The following WDFY3 variants were observed in gnomAD, a reference collection of about 807,000 sequenced individuals.
The protein encoded by WDFY3 is WD repeat and FYVE domain-containing protein 3.
WDFY3 carries 66 observed loss-of-function variants against 409.6 expected under a neutral mutation model. The observed-to-expected ratio is 0.16, with a 90% CI of 0.13 to 0.20. The LOEUF (loss-of-function observed/expected upper bound fraction) is 0.20. WDFY3 is among the 10% of genes least tolerant of loss of function. The pLI, the probability that WDFY3 is intolerant of heterozygous loss-of-function variation, is 1.00. For missense variants in WDFY3, 3,031 were observed against 4,298.1 expected (o/e 0.71, Z 8.24); for synonymous variants, 1,521 against 1,537.1 (o/e 0.99, Z 0.25).
chr4:84,933,413 G>T (rs960390348), intron 1 of WDFY3, among the ~76,000 whole-genome samples: 1 of 151,940 alleles, frequency 6.6e-6, no homozygotes, highest in Admixed American at 6.6e-5. Context: ...ATTTTTACCT[G>T]TACATAGTAA....
At chr4:84,962,228 G>A (rs1347960356) in intron 1 of WDFY3, among the ~76,000 whole-genome samples, 1 of 152,122 alleles carries the variant, frequency 6.6e-6, no homozygotes. Flanking sequence ...CATAGTGACA[G>A]TGTTTACACT....
chr4:84,803,298 G>T lies in WDFY3; in HGVS notation c.2599C>A (p.Gln867Lys), dbSNP rs749653635. 6 of 1,604,084 alleles carry T rather than the reference G, an allele frequency of 3.7e-6. No homozygotes were observed. The highest frequency in any genetic ancestry group is 5.1e-6 in the Non-Finnish European group (6 of 1,177,030). Reference protein sequence around the residue: ...DLLASVGSVTQPEHALDLQLA... With the variant: ...DLLASVGSVTKPEHALDLQLA... ...AACATATTCAAGCTTACTTCTGGCTGTGTCACTGACCCAACAGAGGCCAGT... is the reference window on the plus strand; with the variant it reads ...AACATATTCAAGCTTACTTCTGGCTTTGTCACTGACCCAACAGAGGCCAGT... The change falls in exon 16 of 68, where the codon CAG becomes AAG. Residue 867 changes from glutamine (Q) to lysine (K), a missense_variant. Gln to Lys is a moderately conservative substitution (Grantham distance 53). Around this residue, in one of 16 missense-constraint regions of WDFY3, gnomAD observed 1,322 missense variants for 1,697.9 expected, o/e 0.78. Coordinates refer to ENST00000295888, the MANE Select transcript of WDFY3 (RefSeq NM_014991.6).
chr4:84,726,967 A>T (rs572554710), intron 44 of WDFY3, 56 bp from the exon 45 acceptor site: 32 of 1,500,758 alleles, frequency 2.1e-5, no homozygotes, highest in Admixed American at 1.4e-4. Flanking sequence ...AAAGAGGAAC[A>T]CAAAAATAAA....
chr4:84,854,420 T>C (rs1222552743), intron 4 of WDFY3, among the ~76,000 whole-genome samples: 1 of 152,214 alleles, frequency 6.6e-6, no homozygotes, highest in Non-Finnish European at 1.5e-5. Context: ...GTTTTGGTGA[T>C]TGACTTCAAC....
At chr4:84,890,494 T>A (rs1278910471) in intron 3 of WDFY3, among the ~76,000 whole-genome samples, 1 of 152,214 alleles carries the variant, frequency 6.6e-6, no homozygotes, top group East Asian at 1.9e-4. Context: ...GAGATCCTAG[T>A]ACCCAGTAAT....
rs776348454 is a variant in WDFY3 at position 84,809,935 on chromosome 4, C to T, written c.2297G>A (p.Ser766Asn). Reference protein sequence around the residue: ...ESVSPTLRHCSKLFIYLYKVA... With the variant: ...ESVSPTLRHCNKLFIYLYKVA... The stretch of plus-strand genomic sequence containing the variant: ...TTTGTAAAGATAAATAAAAAGTTTA[C>T]TGCAGTGCCGTAACGTGGGTGACAC... Residue 766 changes from serine (S) to asparagine (N), a missense_variant, in exon 14 of 68, where the codon AGT becomes AAT. Ser to Asn is a conservative substitution (Grantham distance 46, BLOSUM62 1). Transcript: ENST00000295888. 6.2e-7 allele frequency: 1 copy of T among 1,614,094 alleles called. No homozygotes were observed. The highest frequency in any genetic ancestry group is 1.1e-5 in the South Asian group (1 of 91,084).
chr4:84,787,853 A>C, intron 22 of WDFY3, 140 bp from the exon 23 acceptor site: 2 of 748,070 alleles, frequency 2.7e-6, no homozygotes, highest in Non-Finnish European at 4.3e-6. Context: ...GAGAAACAGG[A>C]AGGGCAAGGC....
rs1419047178 is a variant in WDFY3 at position 84,691,719 on chromosome 4, T to G, written c.9116A>C (p.Lys3039Thr). ...ATTCCAGGTTGGTGGGATAAGAACC[T>G]TATTCTGTTCCACCGCAAGAATACC... ...DKGILAVEQN[K>T]VLIPPTWNKT... Residue 3039 changes from lysine to threonine, a missense_variant, in exon 60 of 68, where the codon AAG (lysine) becomes ACG (threonine). Transcript: ENST00000295888. 1.2e-6 allele frequency: 2 copies of G among 1,614,016 alleles called. No individual in the cohort carries two copies. The highest frequency in any genetic ancestry group is 1.7e-6 in the Non-Finnish European group (2 of 1,179,986).
At chr4:84,791,509 T>TTGTTGTATGACAATAA (rs1748516777) in intron 21 of WDFY3, among the ~76,000 whole-genome samples, 1 of 152,196 alleles carries the variant, frequency 6.6e-6, no homozygotes, top group Non-Finnish European at 1.5e-5. Flanking sequence ...AACAATAATG[T>TTGTTGTATGACAATAA]TGTTGTATGA....
At chr4:84,921,570 G>C (rs1399327119) in intron 2 of WDFY3, among the ~76,000 whole-genome samples, 2 of 149,984 alleles carry the variant, frequency 1.3e-5, no homozygotes, top group East Asian at 3.9e-4. Flanking sequence ...AATGTTACTT[G>C]AGGACAGTAT....
At chr4:84,680,059 T>A (rs1727097821) in intron 64 of WDFY3, among the ~76,000 whole-genome samples, 2 of 151,614 alleles carry the variant, frequency 1.3e-5, no homozygotes, top group East Asian at 3.9e-4. Flanking sequence ...CCTGGCTAAT[T>A]TTTGTATTTT....
chr4:84,850,928 G>GGTTTTTTTTTTTTTTT (rs1758863108), intron 4 of WDFY3, among the ~76,000 whole-genome samples: 1 of 46,220 alleles, frequency 2.2e-5, no homozygotes, highest in African/African-American at 9.3e-5. Context: ...TTATTTATCT[G>GGTTTTTTTTTTTTTTT]TTTTTTTTTT....
intron 47 of WDFY3, 35 bp downstream of exon 47, chr4:84,721,374 G>A (rs763342315): frequency 1.3e-5 from 21 of 1,608,382 alleles, no homozygotes; most frequent in Non-Finnish European, 1.7e-5. Context: ...TGTTACTGAA[G>A]TATTTACAAT....
Position 84,688,274 on chromosome 4 carries a change from G to A in WDFY3, c.9364-9C>T. 1.2e-6 allele frequency: 2 copies of A among 1,610,446 alleles called. No individual in the cohort carries two copies. The highest frequency in any genetic ancestry group is 8.5e-7 in the Non-Finnish European group (1 of 1,178,324). On this transcript the variant is annotated splice_polypyrimidine_tract_variant and intron_variant, in intron 61 of 67. Transcript: ENST00000295888. Reference sequence around the variant, plus strand: ...GTGTGGCCCAGTAAGGCCTACGAATGAGAACAAACAAACAAAATCAGGTTG... The same window carrying A: ...GTGTGGCCCAGTAAGGCCTACGAATAAGAACAAACAAACAAAATCAGGTTG...
chr4:84,698,291 T>TATATA (rs200509418), intron 56 of WDFY3, among the ~76,000 whole-genome samples: 217 of 124,456 alleles, frequency 1.7e-3, no homozygotes, highest in African/African-American at 5.9e-3. Context: ...TATATATATA[T>TATATA]TTTTTTTTTT....
chr4:84,758,761 A>G (rs1459566087), intron 32 of WDFY3, among the ~76,000 whole-genome samples: 1 of 152,170 alleles, frequency 6.6e-6, no homozygotes, highest in South Asian at 2.1e-4. Flanking sequence ...ACTCTTTCCC[A>G]TATCATTCCT....
At chr4:84,871,345 A>C (rs957220059) in intron 3 of WDFY3, among the ~76,000 whole-genome samples, 1 of 152,188 alleles carries the variant, frequency 6.6e-6, no homozygotes, top group African/African-American at 2.4e-5. Flanking sequence ...TAGTTTAAAC[A>C]TTAGGAGAAA....
chr4:84,745,371 CTTA>C (rs1739250714), intron 36 of WDFY3, among the ~76,000 whole-genome samples: 1 of 152,170 alleles, frequency 6.6e-6, no homozygotes. Flanking sequence ...GAAGAACCTA[CTTA>C]TTCTTGAATA....
At chr4:84,736,416 C>A in intron 41 of WDFY3, 89 bp from the exon 42 acceptor site, 5 of 1,236,616 alleles carry the variant, frequency 4.0e-6, no homozygotes, top group Middle Eastern at 2.3e-4. Flanking sequence ...TAAACTACAA[C>A]CCTGTAGTTA....
Sources: gnomAD v4.1 joint callset for allele counts (sites outside exome capture counted in the v4.1 genomes callset) on GRCh38, gnomAD v4.1.1 for gene constraint, gnomAD v4.1.1 regional missense constraint, MANE v1.5 for transcripts, NCBI Gene and HGNC (gene_info 2026-07-23, HGNC 2026-07-21) for gene names.